ARL15: variants seen among roughly 807,000 people sequenced by gnomAD.
ARL15 encodes the protein ARF like GTPase 15.
A neutral mutation model predicts 25.2 loss-of-function variants in ARL15; 19 were observed. The ratio of observed to expected loss-of-function variants is 0.75; its 90% CI spans 0.53 to 1.10. The LOEUF is 1.10. Ranked by LOEUF, ARL15 falls within the 50% of genes least tolerant of loss-of-function variation. ARL15 has a pLI of 0.00. For missense variants in ARL15, 220 were observed against 246.0 expected (o/e 0.89, Z 0.71); for synonymous variants, 94 against 86.8 (o/e 1.08, Z -0.46).
chr5:54,197,101 T>G (rs1439371535), intron 1 of ARL15, among the ~76,000 whole-genome samples: 1 of 152,146 alleles, frequency 6.6e-6, no homozygotes, highest in Admixed American at 6.6e-5. Flanking sequence ...CCTTTCATAT[T>G]GGTGGTATTT....
chr5:54,094,644 G>A (rs890801005), intron 4 of ARL15, among the ~76,000 whole-genome samples: 1 of 152,054 alleles, frequency 6.6e-6, no homozygotes. Context: ...ACCTCTAAAA[G>A]AGAATTACTA....
chr5:54,051,960 T>C (rs1455548441), intron 4 of ARL15, among the ~76,000 whole-genome samples: 1 of 152,186 alleles, frequency 6.6e-6, no homozygotes, highest in Non-Finnish European at 1.5e-5. Context: ...TATTCATTGA[T>C]AAAAAGAATG....
intron 4 of ARL15, among the ~76,000 whole-genome samples, chr5:54,028,077 C>T (rs779784970): frequency 4.7e-4 from 72 of 152,052 alleles, no homozygotes; most frequent in African/African-American, 1.6e-3. Flanking sequence ...CCCGCCACCA[C>T]GCCCGGCTAA....
intron 4 of ARL15, among the ~76,000 whole-genome samples, chr5:54,108,273 A>C (rs1450660978): frequency 2.6e-5 from 4 of 152,120 alleles, no homozygotes; most frequent in African/African-American, 9.6e-5. Context: ...AACAGCGTGC[A>C]GTGCATCTGT....
intron 3 of ARL15, among the ~76,000 whole-genome samples, chr5:54,143,947 C>T (rs700910): frequency 0.88 from 134,457 of 151,952 alleles, 59,758 homozygotes; most frequent in East Asian, 0.98. Context: ...TTTTTTTCTT[C>T]TTTAAATCAT....
intron 4 of ARL15, among the ~76,000 whole-genome samples, chr5:54,107,573 ACT>A (rs900623668): frequency 1.3e-5 from 2 of 151,938 alleles, no homozygotes; most frequent in African/African-American, 4.8e-5. Context: ...CTATTAGGAA[ACT>A]CTGAGAAGCA....
intron 4 of ARL15, among the ~76,000 whole-genome samples, chr5:54,001,446 C>A (rs987333728): frequency 1.3e-5 from 2 of 152,182 alleles, no homozygotes; most frequent in Non-Finnish European, 2.9e-5. Context: ...CTTTTCAAAA[C>A]TTCAAAATCT....
intron 4 of ARL15, among the ~76,000 whole-genome samples, chr5:54,014,007 G>A (rs1402721908): frequency 6.6e-6 from 1 of 152,056 alleles, no homozygotes; most frequent in African/African-American, 2.4e-5. Flanking sequence ...CTGCACAGTG[G>A]GTAAGAAGAA....
chr5:54,274,484 T>C (rs187419939), intron 1 of ARL15, among the ~76,000 whole-genome samples: 195 of 152,304 alleles, frequency 1.3e-3, no homozygotes, highest in Admixed American at 2.6e-3. Flanking sequence ...GGAGGGACAT[T>C]TGTGGCTCTC....
intron 3 of ARL15, among the ~76,000 whole-genome samples, chr5:54,134,874 C>T (rs1018333731): frequency 2.0e-5 from 3 of 152,046 alleles, no homozygotes; most frequent in Admixed American, 6.6e-5. Flanking sequence ...TGAGCCACTG[C>T]GCCCAGCTGG....
At chr5:54,305,872 T>G (rs1291381445) in intron 1 of ARL15, among the ~76,000 whole-genome samples, 1 of 152,172 alleles carries the variant, frequency 6.6e-6, no homozygotes, top group Non-Finnish European at 1.5e-5. Context: ...TATAAACAAA[T>G]GCAATGAATA....
intron 4 of ARL15, among the ~76,000 whole-genome samples, chr5:53,996,033 G>T (rs1423730588): frequency 6.6e-6 from 1 of 152,182 alleles, no homozygotes; most frequent in African/African-American, 2.4e-5. Flanking sequence ...TAAAAGGTTT[G>T]TCTCCTGGGG....
At chr5:53,950,868 A>G (rs1746923352) in intron 4 of ARL15, among the ~76,000 whole-genome samples, 1 of 152,222 alleles carries the variant, frequency 6.6e-6, no homozygotes, top group Non-Finnish European at 1.5e-5. Context: ...GGCAATTAAA[A>G]TCCCGAGACA....
chr5:54,286,678 A>C (rs1758187039), intron 1 of ARL15, among the ~76,000 whole-genome samples: 1 of 152,146 alleles, frequency 6.6e-6, no homozygotes, highest in Non-Finnish European at 1.5e-5. Context: ...TGAAATGGTG[A>C]AGGTAAGAAT....
chr5:54,150,020 C>A (rs1266763007), intron 3 of ARL15, among the ~76,000 whole-genome samples: 1 of 152,102 alleles, frequency 6.6e-6, no homozygotes, highest in African/African-American at 2.4e-5. Context: ...GTGAAAGGGC[C>A]TAAATGGATA....
At chr5:54,296,452 G>A (rs745633270) in intron 1 of ARL15, among the ~76,000 whole-genome samples, 13 of 152,202 alleles carry the variant, frequency 8.5e-5, no homozygotes, top group African/African-American at 1.9e-4. Flanking sequence ...GAATGCAAAT[G>A]CAGGCAGTCT....
At chr5:53,945,267 T>G (rs1411673200) in intron 4 of ARL15, among the ~76,000 whole-genome samples, 1 of 152,244 alleles carries the variant, frequency 6.6e-6, no homozygotes, top group Non-Finnish European at 1.5e-5. Context: ...ACATCACTAT[T>G]ACGTTGCAAC....
chr5:54,110,208 G>C (rs1453663540), intron 4 of ARL15, among the ~76,000 whole-genome samples: 1 of 151,942 alleles, frequency 6.6e-6, no homozygotes, highest in African/African-American at 2.4e-5. Flanking sequence ...CATAGTAGGG[G>C]AGGGGACTAC....
chr5:54,049,709 T>C (rs1259792685), intron 4 of ARL15, among the ~76,000 whole-genome samples: 1 of 151,786 alleles, frequency 6.6e-6, no homozygotes, highest in Non-Finnish European at 1.5e-5. Context: ...CAGGCAATCC[T>C]CCTACCACCA....
Sources: allele counts gnomAD v4.1 joint callset (sites outside exome capture counted in the v4.1 genomes callset), GRCh38; gene constraint gnomAD v4.1.1; transcripts MANE v1.5; gene names NCBI Gene and HGNC (gene_info 2026-07-23, HGNC 2026-07-21).